Variants in PTPRM observed in about 807,000 individuals in gnomAD.
PTPRM encodes the protein receptor-type tyrosine-protein phosphatase mu.
Under a neutral mutation model 186.7 loss-of-function variants are expected in PTPRM, and 47 were observed. The observed-to-expected ratio is 0.25, with a 90% confidence interval of 0.20 to 0.32. The LOEUF (loss-of-function observed/expected upper bound fraction) is 0.32, where lower values mean the gene tolerates loss of function less well. Ranked by LOEUF, PTPRM falls within the 10% of genes least tolerant of loss-of-function variation. The probability of loss-of-function intolerance (pLI) is 1.00; values close to 1 mark genes in which losing one functional copy is unlikely to be tolerated. For missense variants in PTPRM, 1,494 were observed against 1,865.0 expected (o/e 0.80, Z 3.66); for synonymous variants, 668 against 674.9 (o/e 0.99, Z 0.16).
intron 14 of PTPRM, among the ~76,000 whole-genome samples, chr18:8,234,524 G>T (rs768537991): frequency 1.3e-5 from 2 of 152,092 alleles, no homozygotes; most frequent in Admixed American, 6.5e-5. Flanking sequence ...CATGTCATCT[G>T]TGAACAAAGA....
chr18:7,669,362 T>A (rs2039166173), intron 1 of PTPRM, among the ~76,000 whole-genome samples: 1 of 151,956 alleles, frequency 6.6e-6, no homozygotes, highest in Admixed American at 6.5e-5. Context: ...GATGGCCACA[T>A]GTGTGTTGAA....
rs552271445 is a variant in PTPRM at position 7,956,378 on chromosome 18, A to C, written c.1132+964A>C. ...CCTTAACCATTGTAGCTGGTTTTTA[A>C]ATTTTTTCTTCATAATTTGTATTAT... On this transcript the variant is annotated intron_variant, in intron 7 of 32. Coordinates refer to ENST00000580170, the MANE Select transcript of PTPRM (RefSeq NM_001105244.2). Among the ~76,000 whole-genome samples the C allele has an allele frequency of 1.7e-4, 26 of 152,310 alleles. 2 individuals carry two copies. The South Asian group carries it at 5.4e-3, about 32-fold the overall frequency.
intron 9 of PTPRM, among the ~76,000 whole-genome samples, chr18:8,084,638 G>A (rs2090336160): frequency 6.6e-6 from 1 of 152,180 alleles, no homozygotes; most frequent in Admixed American, 6.6e-5. Context: ...AACAGTGTTA[G>A]TGTTCATGCA....
At chr18:8,221,734 T>G (rs1318415077) in intron 14 of PTPRM, among the ~76,000 whole-genome samples, 2 of 152,234 alleles carry the variant, frequency 1.3e-5, no homozygotes, top group Non-Finnish European at 2.9e-5. Flanking sequence ...TTCAGTCCGC[T>G]GATACTAAAT....
intron 1 of PTPRM, among the ~76,000 whole-genome samples, chr18:7,754,226 G>A (rs1403771336): frequency 6.6e-6 from 1 of 152,136 alleles, no homozygotes; most frequent in Non-Finnish European, 1.5e-5. Context: ...TTTGTCATCA[G>A]TGAATGATTT....
chr18:7,891,216 G>A (rs1049750898), intron 3 of PTPRM, among the ~76,000 whole-genome samples: 2 of 152,098 alleles, frequency 1.3e-5, no homozygotes, highest in South Asian at 2.1e-4. Context: ...AGCCTGGGAG[G>A]TCGAGGCTTC....
chr18:7,900,825 G>A (rs1261650121), intron 3 of PTPRM, among the ~76,000 whole-genome samples: 2 of 152,110 alleles, frequency 1.3e-5, no homozygotes, highest in African/African-American at 2.4e-5. Flanking sequence ...CCTGGGACAT[G>A]GAAGTATACA....
chr18:8,311,966 C>G (rs2095271846), intron 20 of PTPRM, among the ~76,000 whole-genome samples: 1 of 152,186 alleles, frequency 6.6e-6, no homozygotes, highest in African/African-American at 2.4e-5. Flanking sequence ...AGACAGGAAT[C>G]TGACGAGGGG....
At chr18:8,222,543 G>A (rs1168380459) in intron 14 of PTPRM, among the ~76,000 whole-genome samples, 1 of 152,180 alleles carries the variant, frequency 6.6e-6, no homozygotes, top group Non-Finnish European at 1.5e-5. Context: ...GATCTCTTCC[G>A]ATTGCCATTT....
chr18:7,990,708 G>A (rs780618515), intron 7 of PTPRM, among the ~76,000 whole-genome samples: 1 of 152,176 alleles, frequency 6.6e-6, no homozygotes, highest in Non-Finnish European at 1.5e-5. Context: ...AGTCTACACT[G>A]ATCACTGAGA....
intron 1 of PTPRM, among the ~76,000 whole-genome samples, chr18:7,581,198 G>A (rs1167392568): frequency 6.6e-6 from 1 of 152,100 alleles, no homozygotes; most frequent in Non-Finnish European, 1.5e-5. Flanking sequence ...AACAGAGAAG[G>A]CCAAAGGTGG....
intron 22 of PTPRM, among the ~76,000 whole-genome samples, chr18:8,335,676 G>T (rs1230874347): frequency 6.6e-6 from 1 of 152,162 alleles, no homozygotes; most frequent in Non-Finnish European, 1.5e-5. Flanking sequence ...TCACTTACGG[G>T]TTTCATCCAA....
At chr18:7,984,600 T>TACAC (rs1364395082) in intron 7 of PTPRM, among the ~76,000 whole-genome samples, 70 of 110,942 alleles carry the variant, frequency 6.3e-4, no homozygotes, top group African/African-American at 1.9e-3. Context: ...TATATATATA[T>TACAC]ATACACACAC....
chr18:7,768,184 C>T (rs1457198459), intron 1 of PTPRM, among the ~76,000 whole-genome samples: 1 of 152,146 alleles, frequency 6.6e-6, no homozygotes, highest in Non-Finnish European at 1.5e-5. Context: ...TTGGGCCCAA[C>T]TCCATTTTCT....
At chr18:7,716,968 G>A (rs1319601138) in intron 1 of PTPRM, among the ~76,000 whole-genome samples, 2 of 152,170 alleles carry the variant, frequency 1.3e-5, no homozygotes, top group African/African-American at 4.8e-5. Context: ...CCATCACTGG[G>A]TATATACCCA....
At chr18:8,230,677 T>A (rs1291160228) in intron 14 of PTPRM, among the ~76,000 whole-genome samples, 3 of 152,206 alleles carry the variant, frequency 2.0e-5, no homozygotes. Flanking sequence ...AAGCCCTACA[T>A]AAATTTTTGT....
intron 7 of PTPRM, among the ~76,000 whole-genome samples, chr18:8,027,289 G>T (rs2085630807): frequency 6.6e-6 from 1 of 152,258 alleles, no homozygotes; most frequent in African/African-American, 2.4e-5. Flanking sequence ...ATATAAATAA[G>T]CTTGACAATT....
chr18:7,781,579 G>A (rs2145083118), intron 2 of PTPRM, among the ~76,000 whole-genome samples: 1 of 152,154 alleles, frequency 6.6e-6, no homozygotes, highest in Non-Finnish European at 1.5e-5. Flanking sequence ...CCCCATAGGT[G>A]GCCTTCCAGC....
intron 1 of PTPRM, among the ~76,000 whole-genome samples, chr18:7,751,938 A>G (rs1321344742): frequency 1.3e-5 from 2 of 152,144 alleles, no homozygotes; most frequent in Admixed American, 6.5e-5. Context: ...GAGTGCTACC[A>G]ATGTGAAGTG....
Sources: allele counts gnomAD v4.1 joint callset (sites outside exome capture counted in the v4.1 genomes callset), GRCh38; gene constraint gnomAD v4.1.1; transcripts MANE v1.5; gene names NCBI Gene and HGNC (gene_info 2026-07-23, HGNC 2026-07-21).